The following LHFPL3 variants were observed in gnomAD, a reference collection of about 807,000 sequenced individuals.
LHFPL3 encodes the protein LHFPL tetraspan subfamily member 3.
In LHFPL3, 5 loss-of-function variants were observed where a neutral mutation model predicts 19.3. The observed-to-expected ratio is 0.26, with a 90% CI of 0.14 to 0.54. The LOEUF is 0.54. Ranked by LOEUF, LHFPL3 falls within the 20% of genes least tolerant of loss-of-function variation. LHFPL3 has a pLI of 0.94. For missense variants in LHFPL3, 249 were observed against 307.4 expected (o/e 0.81, Z 1.42); for synonymous variants, 133 against 126.2 (o/e 1.05, Z -0.36).
chr7:104,875,694 A>C (rs992726567), intron 2 of LHFPL3, among the ~76,000 whole-genome samples: 6 of 152,220 alleles, frequency 3.9e-5, no homozygotes, highest in African/African-American at 1.2e-4. Flanking sequence ...ATGATAAATA[A>C]ATAAACAAAA....
chr7:104,736,944 G>A (rs1167516943), intron 2 of LHFPL3, 33 bp downstream of exon 2: 24 of 1,509,656 alleles, frequency 1.6e-5, no homozygotes, highest in Non-Finnish European at 2.2e-5. Context: ...TTACCTGGAT[G>A]CCTCAAGCAC....
intron 1 of LHFPL3, among the ~76,000 whole-genome samples, chr7:104,578,420 C>G (rs2116012593): frequency 6.6e-6 from 1 of 152,270 alleles, no homozygotes; most frequent in South Asian, 2.1e-4. Flanking sequence ...CAGGGGTATC[C>G]CCTGCCTTCA....
At chr7:104,376,528 T>A (rs1303657949) in intron 1 of LHFPL3, among the ~76,000 whole-genome samples, 1 of 152,206 alleles carries the variant, frequency 6.6e-6, no homozygotes, top group Non-Finnish European at 1.5e-5. Context: ...CTCCTGATAA[T>A]GTCCCTGCTA....
In LHFPL3 at chr7:104,736,901, A is replaced by G. The variant is rs1296132092; in HGVS notation, c.672A>G (p.Ala224=). The G allele has an allele frequency of 1.9e-6, 3 of 1,599,952 alleles. No individual in the cohort carries two copies. The highest frequency in any genetic ancestry group is 2.6e-6 in the Non-Finnish European group (3 of 1,172,722). ...QDSLMAEELK[A]ENKVLLSQYS... is the part of the protein sequence containing the mutation. ...GCTTGATGGCAGAGGAACTGAAGGC[A>G]GAAAACAAAGGTAAGATTGCTTTAA... is the stretch of plus-strand genomic sequence containing the variant. Residue 224 remains alanine (A), a synonymous_variant, in exon 2 of 3, where the codon GCA becomes GCG. Transcript: ENST00000424859.
At chr7:104,732,521 T>C (rs1019163349) in intron 1 of LHFPL3, among the ~76,000 whole-genome samples, 2 of 152,240 alleles carry the variant, frequency 1.3e-5, no homozygotes, top group Admixed American at 1.3e-4. Context: ...TAGAGGTGTT[T>C]ATAGTATTCT....
intron 1 of LHFPL3, among the ~76,000 whole-genome samples, chr7:104,541,693 A>G (rs950519294): frequency 7.2e-5 from 11 of 152,206 alleles, no homozygotes; most frequent in African/African-American, 2.4e-4. Context: ...GTTGCTCTAA[A>G]TGATAATATA....
At chr7:104,581,153 G>A (rs549716476) in intron 1 of LHFPL3, among the ~76,000 whole-genome samples, 1 of 151,988 alleles carries the variant, frequency 6.6e-6, no homozygotes, top group African/African-American at 2.4e-5. Context: ...AGCAGTGTAT[G>A]AGAATTCCAG....
intron 1 of LHFPL3, among the ~76,000 whole-genome samples, chr7:104,368,652 CGTGTGTGT>C (rs67849394): frequency 1.9e-4 from 29 of 150,094 alleles, no homozygotes; most frequent in Admixed American, 2.0e-4. Context: ...CACACATGTA[CGTGTGTGT>C]GTGTGTGTGT....
chr7:104,344,511 G>A lies in LHFPL3; in HGVS notation c.445+15287G>A, dbSNP rs150884825. Among the ~76,000 whole-genome samples, 6 of 152,236 alleles carry A rather than the reference G, an allele frequency of 3.9e-5. No individual in the cohort carries two copies. In the East Asian group the frequency reaches 5.8e-4, roughly 15 times the overall value. ...CTCCCACTTAAAAGTGAAAACATACGGTATTTGGTTTTCCATTTCTGAGTT... is the reference window on the plus strand; with the variant it reads ...CTCCCACTTAAAAGTGAAAACATACAGTATTTGGTTTTCCATTTCTGAGTT... On this transcript the variant is annotated intron_variant, in intron 1 of 2. Transcript: ENST00000424859.
intron 1 of LHFPL3, among the ~76,000 whole-genome samples, chr7:104,702,856 C>T (rs1220810109): frequency 6.6e-6 from 1 of 152,168 alleles, no homozygotes; most frequent in African/African-American, 2.4e-5. Context: ...TGGCCTCTTC[C>T]ACATTGTTTC....
At chr7:104,443,271 A>C (rs727927) in intron 1 of LHFPL3, among the ~76,000 whole-genome samples, 28,574 of 152,132 alleles carry the variant, frequency 0.19, 4,281 homozygotes, top group African/African-American at 0.41. Flanking sequence ...CTCAGCTCCA[A>C]CCAGAATACT....
At chr7:104,722,365 T>C (rs554147945) in intron 1 of LHFPL3, among the ~76,000 whole-genome samples, 1 of 152,290 alleles carries the variant, frequency 6.6e-6, no homozygotes, top group African/African-American at 2.4e-5. Context: ...ACTCTTCTCT[T>C]TTAAGAGCCC....
chr7:104,657,297 G>A (rs977423888), intron 1 of LHFPL3, among the ~76,000 whole-genome samples: 2 of 152,204 alleles, frequency 1.3e-5, no homozygotes, highest in Non-Finnish European at 2.9e-5. Context: ...CTGAAAGGAA[G>A]CCTGCTTCCC....
At chr7:104,430,391 T>C (rs1010732015) in intron 1 of LHFPL3, among the ~76,000 whole-genome samples, 14 of 51,034 alleles carry the variant, frequency 2.7e-4, no homozygotes, top group East Asian at 1.8e-3. Flanking sequence ...TACATATATA[T>C]ATATATATAT....
chr7:104,564,455 G>T (rs1170269366), intron 1 of LHFPL3, among the ~76,000 whole-genome samples: 1 of 152,198 alleles, frequency 6.6e-6, no homozygotes, highest in Non-Finnish European at 1.5e-5. Context: ...AGGGCCTGTG[G>T]TGTGTAAAAT....
At chr7:104,366,092 A>G (rs1489584657) in intron 1 of LHFPL3, among the ~76,000 whole-genome samples, 1 of 152,180 alleles carries the variant, frequency 6.6e-6, no homozygotes, top group Non-Finnish European at 1.5e-5. Context: ...GGAGAAAAAC[A>G]GAAGAGTTTG....
At chr7:104,383,464 C>T (rs191098654) in intron 1 of LHFPL3, among the ~76,000 whole-genome samples, 111 of 152,282 alleles carry the variant, frequency 7.3e-4, no homozygotes, top group Non-Finnish European at 1.2e-3. Context: ...GCAAACAGGC[C>T]AGCATTTCAA....
intron 1 of LHFPL3, among the ~76,000 whole-genome samples, chr7:104,428,624 G>A (rs1327332728): frequency 6.6e-6 from 1 of 152,134 alleles, no homozygotes; most frequent in African/African-American, 2.4e-5. Flanking sequence ...CGTGGCTTAT[G>A]GCTTGTCAGT....
At chr7:104,814,242 G>T (rs777659760) in intron 2 of LHFPL3, among the ~76,000 whole-genome samples, 3 of 152,042 alleles carry the variant, frequency 2.0e-5, no homozygotes, top group Non-Finnish European at 2.9e-5. Context: ...TCTGCAGCTG[G>T]TTGTCCCATC....
Sources: allele counts gnomAD v4.1 joint callset (sites outside exome capture counted in the v4.1 genomes callset), GRCh38; gene constraint gnomAD v4.1.1; transcripts MANE v1.5; gene names NCBI Gene and HGNC (gene_info 2026-07-23, HGNC 2026-07-21).